POLR2F: variants seen among roughly 807,000 people sequenced by gnomAD.
POLR2F encodes DNA-directed RNA polymerases I, II, and III subunit RPABC2.
A neutral mutation model predicts 22.7 loss-of-function variants in POLR2F; 12 were observed. The ratio of observed to expected loss-of-function variants is 0.53; its 90% CI spans 0.34 to 0.86. The LOEUF is 0.86. Ranked by LOEUF, POLR2F falls within the 40% of genes least tolerant of loss-of-function variation. The probability of loss-of-function intolerance (pLI) is 0.02; values close to 1 mark genes in which losing one functional copy is unlikely to be tolerated. For synonymous variants in POLR2F, 57 were observed against 66.0 expected (o/e 0.86, Z 0.66); for missense variants, 126 against 171.5 (o/e 0.73, Z 1.48).
Position 37,986,605 on chromosome 22 carries a change from CCTCT to C in POLR2F, c.120+301_120+304del. On this transcript the variant is annotated intron_variant, in intron 1 of 2. Coordinates refer to the POLR2F transcript ENST00000333418. The surrounding 1 kb of genome is among the most constrained non-coding windows in gnomAD (Gnocchi z 4.7). Reference sequence around the variant, plus strand: ...CCACGCTAGACAGAAGGGGCCACTCCCTCTCTCTCTCCCTTGTCCCCGCACAGAC... The same window carrying C: ...CCACGCTAGACAGAAGGGGCCACTCCCTCTCTCCCTTGTCCCCGCACAGAC... The C allele has an allele frequency of 1.4e-6, 1 of 690,898 alleles. No homozygotes were observed. The highest frequency in any genetic ancestry group is 2.6e-6 in the Non-Finnish European group (1 of 381,576). The allele number at this position is 690,898 out of a possible 1,614,324, so 42.8% of individuals were successfully genotyped here. A position where few individuals can be genotyped will look rare whatever the true frequency, so the allele number is the denominator to read the frequency against.
rs55775710 is a variant in POLR2F, at chr22:38,025,546, T to C, written c.121-323T>C. The C allele has an allele frequency of 4.1e-3, 5,998 of 1,464,332 alleles. 193 individuals carry two copies. The African/African-American group carries it at 0.077, about 19-fold the overall frequency. The allele number at this position is 1,464,332 out of a possible 1,614,324, so 90.7% of individuals were successfully genotyped here. ...CCTGATCGTCCCCCTCGTTTGCCTG[T>C]CCACGCCCTTCTCCCATCTCTCTCA... On this transcript the variant is annotated intron_variant, in intron 1 of 2. Coordinates refer to the POLR2F transcript ENST00000333418.
intron 1 of POLR2F, among the ~76,000 whole-genome samples, chr22:38,013,500 T>C (rs2084890093): frequency 6.6e-6 from 1 of 152,222 alleles, no homozygotes; most frequent in African/African-American, 2.4e-5. Context: ...GTCTATAGCA[T>C]ATTTACCTAT....
intron 1 of POLR2F, chr22:37,987,418 C>A (rs73415883): frequency 0.012 from 4,625 of 394,948 alleles, 195 homozygotes; most frequent in African/African-American, 0.087. Context: ...GACCCTTCAC[C>A]CCCCAGCTCC....
chr22:38,025,675 G>T (rs547208168), intron 1 of POLR2F: 5 of 1,552,616 alleles, frequency 3.2e-6, no homozygotes, highest in Middle Eastern at 1.7e-4. Context: ...GACTTCTCCC[G>T]ACAGTCCTGC....
intron 3 of POLR2F, among the ~76,000 whole-genome samples, chr22:37,963,131 C>T (rs1378230218): frequency 6.6e-6 from 1 of 151,962 alleles, no homozygotes; most frequent in Non-Finnish European, 1.5e-5. Context: ...GGATTACAGG[C>T]ACCCGCCACC....
intron 2 of POLR2F, 88 bp from the exon 3 acceptor site, chr22:37,959,258 C>A: frequency 1.4e-6 from 2 of 1,392,914 alleles, no homozygotes; most frequent in Admixed American, 1.8e-5. Context: ...GTGGCTGTAG[C>A]GAGAATTGTG....
intron 1 of POLR2F, among the ~76,000 whole-genome samples, chr22:38,010,677 C>T (rs778870423): frequency 1.7e-5 from 2 of 118,012 alleles, no homozygotes; most frequent in Non-Finnish European, 3.2e-5. Context: ...AGTGCAGTGG[C>T]GCGATCTCGG....
intron 1 of POLR2F, among the ~76,000 whole-genome samples, chr22:37,991,922 T>C (rs762496410): frequency 2.0e-5 from 3 of 152,148 alleles, no homozygotes; most frequent in Non-Finnish European, 1.5e-5. Flanking sequence ...GCCTGTTACA[T>C]AGGAGTGACG....
chr22:38,023,518 C>T (rs776657685), intron 1 of POLR2F, among the ~76,000 whole-genome samples: 2 of 151,502 alleles, frequency 1.3e-5, no homozygotes. Flanking sequence ...TGTACAGTTT[C>T]GTGGCACTAG....
chr22:37,964,155 C>G (rs1343343947), intron 3 of POLR2F, among the ~76,000 whole-genome samples: 1 of 151,170 alleles, frequency 6.6e-6, no homozygotes, highest in African/African-American at 2.4e-5. Flanking sequence ...CAGGTGTTTT[C>G]TGGTGGGGGA....
intron 1 of POLR2F, among the ~76,000 whole-genome samples, chr22:38,012,638 G>A (rs1306221104): frequency 6.6e-6 from 1 of 152,060 alleles, no homozygotes; most frequent in African/African-American, 2.4e-5. Context: ...GGAATCCCAC[G>A]TTACGTTTAC....
chr22:38,014,122 C>CAAA (rs918824276), intron 1 of POLR2F, among the ~76,000 whole-genome samples: 1 of 60,268 alleles, frequency 1.7e-5, no homozygotes, highest in Non-Finnish European at 3.5e-5. Flanking sequence ...AACTCTGTCT[C>CAAA]AAAAAAAAAA....
At chr22:37,983,167 C>T (rs1280758388), upstream of POLR2F, among the ~76,000 whole-genome samples, 1 of 152,234 alleles carries the variant, frequency 6.6e-6, no homozygotes. The surrounding 1 kb of genome is among the most constrained non-coding windows in gnomAD (Gnocchi z 9.5). Flanking sequence ...GCCTAGGCCG[C>T]TGGAGTTCCG....
intron 5 of POLR2F, among the ~76,000 whole-genome samples, chr22:38,036,583 G>A (rs909488827): frequency 6.6e-6 from 1 of 150,758 alleles, no homozygotes; most frequent in Admixed American, 6.6e-5. Flanking sequence ...TCATTTAGGA[G>A]GGGTGGGCAA....
rs906044123 is a variant in POLR2F, at chr22:37,980,152, G to C, written c.293+12982G>C. On this transcript the variant is annotated intron_variant, in intron 4 of 4. Coordinates refer to the POLR2F transcript ENST00000405557. This position sits in a 1 kb window ranked among gnomAD's most constrained non-coding sequence, Gnocchi z 4.1. ...TGTACACACTTAGGACAAAGATGCCGGAGCAGGGCCTTGAGAGTCAGGGAG... is the reference window on the plus strand; with the variant it reads ...TGTACACACTTAGGACAAAGATGCCCGAGCAGGGCCTTGAGAGTCAGGGAG... Among the ~76,000 whole-genome samples, 1 of 152,230 alleles carries C rather than the reference G, an allele frequency of 6.6e-6. No homozygotes were observed. The highest frequency in any genetic ancestry group is 1.5e-5 in the Non-Finnish European group (1 of 68,010).
At chr22:37,998,507 C>A (rs1245755731) in intron 1 of POLR2F, among the ~76,000 whole-genome samples, 1 of 152,126 alleles carries the variant, frequency 6.6e-6, no homozygotes, top group African/African-American at 2.4e-5. Context: ...TGTCAGGCTC[C>A]CTGGGCAGGT....
chr22:37,954,839 T>C (rs1931305862), intron 1 of POLR2F, among the ~76,000 whole-genome samples: 1 of 152,106 alleles, frequency 6.6e-6, no homozygotes, highest in Non-Finnish European at 1.5e-5. Context: ...GACCCGTGGC[T>C]GAGCATTAGG....
At chr22:38,035,345 G>A (rs182375585) in intron 5 of POLR2F, among the ~76,000 whole-genome samples, 4 of 152,186 alleles carry the variant, frequency 2.6e-5, no homozygotes, top group Non-Finnish European at 5.9e-5. Flanking sequence ...CCTATGGGAC[G>A]AGAGGGATAA....
chr22:37,976,337 G>C (rs907944611), intron 4 of POLR2F, among the ~76,000 whole-genome samples: 1 of 152,178 alleles, frequency 6.6e-6, no homozygotes, highest in Non-Finnish European at 1.5e-5. Context: ...CTGGGACTGC[G>C]GGCGCATTCC....
Sources: allele counts gnomAD v4.1 joint callset (sites outside exome capture counted in the v4.1 genomes callset), GRCh38; gene constraint gnomAD v4.1.1; non-coding constraint Gnocchi (gnomAD v3.1); transcripts MANE v1.5; gene names NCBI Gene and HGNC (gene_info 2026-07-23, HGNC 2026-07-21).